Variants in NXPE2 observed in about 807,000 individuals in gnomAD.
NXPE2 encodes the protein NXPE family member 2.
A neutral mutation model predicts 34.4 loss-of-function variants in NXPE2; 34 were observed. That is an observed-to-expected ratio of 0.99 (90% CI 0.75 to 1.31). The LOEUF is 1.31. Among genes scored for constraint, NXPE2 ranks in the 40% most tolerant of loss-of-function variants. The pLI, the probability that NXPE2 is intolerant of heterozygous loss-of-function variation, is 0.00. For synonymous variants in NXPE2, 235 were observed against 231.3 expected, an observed-to-expected ratio of 1.02 and a Z score of -0.15; for missense variants, 649 against 672.5, an observed-to-expected ratio of 0.97 and a Z score of 0.39.
chr11:114,509,436 A>T, the NXPE2 span, among the ~76,000 whole-genome samples: 3 of 152,330 alleles, frequency 2.0e-5, no homozygotes, highest in East Asian at 5.8e-4. Context: ...TACCCAAAGG[A>T]ATATAAATCA....
At chr11:114,599,228 T>C in the NXPE2 span, among the ~76,000 whole-genome samples, 1 of 152,116 alleles carries the variant, frequency 6.6e-6, no homozygotes, top group Non-Finnish European at 1.5e-5. Flanking sequence ...TCCAAGTTCT[T>C]CACTAAACCA....
At chr11:114,630,782 AG>A in the NXPE2 span, among the ~76,000 whole-genome samples, 2 of 151,888 alleles carry the variant, frequency 1.3e-5, no homozygotes, top group Admixed American at 1.3e-4. Context: ...CATCTGATAA[AG>A]GGTTAATATC....
the NXPE2 span, among the ~76,000 whole-genome samples, chr11:114,725,896 G>A: frequency 6.7e-6 from 1 of 149,660 alleles, no homozygotes; most frequent in East Asian, 2.0e-4. Context: ...CTAGAGAGTG[G>A]CTATCTTGGC....
chr11:114,639,789 T>C, the NXPE2 span, among the ~76,000 whole-genome samples: 314 of 124,108 alleles, frequency 2.5e-3, 1 homozygote, highest in African/African-American at 9.8e-3. Flanking sequence ...AAATATAATA[T>C]ATATTATATT....
the NXPE2 span, among the ~76,000 whole-genome samples, chr11:114,759,757 T>C: frequency 7.9e-5 from 12 of 152,232 alleles, no homozygotes; most frequent in African/African-American, 1.2e-4. Flanking sequence ...TGGTAGATAG[T>C]AATTTATCTT....
At chr11:114,671,143 C>T in the NXPE2 span, among the ~76,000 whole-genome samples, 1 of 149,470 alleles carries the variant, frequency 6.7e-6, no homozygotes, top group Non-Finnish European at 1.5e-5. Flanking sequence ...AGTACAATAA[C>T]TGATATGAAA....
At chr11:114,466,002 T>C in the NXPE2 span, among the ~76,000 whole-genome samples, 1 of 152,326 alleles carries the variant, frequency 6.6e-6, no homozygotes, top group Non-Finnish European at 1.5e-5. Context: ...TTTAACAAAT[T>C]TCCCTCCTAC....
the NXPE2 span, among the ~76,000 whole-genome samples, chr11:114,739,791 A>G: frequency 6.6e-6 from 1 of 152,056 alleles, no homozygotes; most frequent in East Asian, 1.9e-4. Flanking sequence ...TATTTCTGTT[A>G]TATTCTGTTA....
At chr11:114,704,149 T>C in intron 4 of NXPE2, 97 bp downstream of exon 4, 1 of 880,212 alleles carries the variant, frequency 1.1e-6, no homozygotes, top group Non-Finnish European at 1.8e-6. Context: ...CGATTTGATC[T>C]CTCATTTCCT....
chr11:114,754,549 G>A, the NXPE2 span, among the ~76,000 whole-genome samples: 1 of 152,202 alleles, frequency 6.6e-6, no homozygotes, highest in African/African-American at 2.4e-5. Flanking sequence ...TGAGAGCCAT[G>A]GTGGACTGGC....
the NXPE2 span, among the ~76,000 whole-genome samples, chr11:114,560,542 C>T: frequency 0.011 from 1,737 of 152,260 alleles, 18 homozygotes; most frequent in Non-Finnish European, 0.02. Context: ...GCTGGGATTA[C>T]AGGCATGAGC....
chr11:114,625,643 G>A, the NXPE2 span, among the ~76,000 whole-genome samples: 1 of 152,168 alleles, frequency 6.6e-6, no homozygotes. Flanking sequence ...TTACCCGGTG[G>A]ATAATAAGTA....
chr11:114,716,368 A>G, the NXPE2 span, among the ~76,000 whole-genome samples: 1 of 152,124 alleles, frequency 6.6e-6, no homozygotes, highest in Non-Finnish European at 1.5e-5. Context: ...CATGGAGATC[A>G]CTCCATTTTC....
chr11:114,697,529 C>A (rs1166791960), intron 2 of NXPE2, among the ~76,000 whole-genome samples: 1 of 152,042 alleles, frequency 6.6e-6, no homozygotes, highest in African/African-American at 2.4e-5. Context: ...GATGTCAGCC[C>A]CATGAAACTA....
chr11:114,545,107 T>C, the NXPE2 span, among the ~76,000 whole-genome samples: 1 of 152,192 alleles, frequency 6.6e-6, no homozygotes, highest in African/African-American at 2.4e-5. Flanking sequence ...TCTCACTCAT[T>C]GCTGGTGGGA....
chr11:114,802,141 C>T, the NXPE2 span, among the ~76,000 whole-genome samples: 1 of 152,124 alleles, frequency 6.6e-6, no homozygotes, highest in African/African-American at 2.4e-5. Context: ...GAATAAAAGG[C>T]AATTCATTAG....
the NXPE2 span, among the ~76,000 whole-genome samples, chr11:114,765,146 T>C: frequency 6.6e-6 from 1 of 152,196 alleles, no homozygotes; most frequent in Non-Finnish European, 1.5e-5. Flanking sequence ...CTCTTCCTGT[T>C]TCCTGGTGAA....
At chr11:114,681,610 AT>A (rs1464310036) in intron 2 of NXPE2, among the ~76,000 whole-genome samples, 1 of 152,052 alleles carries the variant, frequency 6.6e-6, no homozygotes, top group East Asian at 1.9e-4. Flanking sequence ...CACCAGACAC[AT>A]CCCCACTCCC....
At chr11:114,698,900 T>C in intron 3 of NXPE2, 122 bp downstream of exon 3, 2 of 943,854 alleles carry the variant, frequency 2.1e-6, no homozygotes, top group South Asian at 1.8e-5. Context: ...TATAATTAGG[T>C]CCTCAGAGTC....
Sources: allele counts gnomAD v4.1 joint callset (sites outside exome capture counted in the v4.1 genomes callset), GRCh38; gene constraint gnomAD v4.1.1; transcripts MANE v1.5; gene names NCBI Gene and HGNC (gene_info 2026-07-23, HGNC 2026-07-21).